CEP83: variants seen among roughly 807,000 people sequenced by gnomAD.
CEP83 encodes the protein centrosomal protein of 83 kDa.
In CEP83, 70 loss-of-function variants were observed where a neutral mutation model predicts 101.9. The ratio of observed to expected loss-of-function variants is 0.69; its 90% CI spans 0.57 to 0.84. The LOEUF is 0.84. Among genes scored for constraint, CEP83 ranks in the 40% least tolerant of loss-of-function variants. The pLI is 0.00. For missense variants in CEP83, 715 were observed against 787.2 expected (o/e 0.91, Z 1.10); for synonymous variants, 264 against 267.9 (o/e 0.99, Z 0.14).
At chr12:94,388,897 T>C (rs1593624041) in intron 6 of CEP83, among the ~76,000 whole-genome samples, 1 of 151,934 alleles carries the variant, frequency 6.6e-6, no homozygotes, top group African/African-American at 2.4e-5. Flanking sequence ...GAGTCTGAGG[T>C]AGGTAGATCA....
intron 2 of CEP83, among the ~76,000 whole-genome samples, chr12:94,430,055 G>A (rs1377805154): frequency 6.6e-6 from 1 of 151,924 alleles, no homozygotes; most frequent in Admixed American, 6.6e-5. Context: ...CGCACCACTG[G>A]GGAGTCTAAA....
chr12:94,356,340 A>G (rs1166509224), intron 11 of CEP83, among the ~76,000 whole-genome samples: 2 of 152,226 alleles, frequency 1.3e-5, no homozygotes, highest in Non-Finnish European at 2.9e-5. Flanking sequence ...TTTATTTGCC[A>G]GCTAAAGCTA....
At chr12:94,379,562 T>G (rs531445830) in intron 6 of CEP83, among the ~76,000 whole-genome samples, 1 of 152,284 alleles carries the variant, frequency 6.6e-6, no homozygotes, top group African/African-American at 2.4e-5. Context: ...ATTAAAGTCC[T>G]AATTGTAATG....
At chr12:94,271,532 A>T in the CEP83 span, among the ~76,000 whole-genome samples, 2 of 152,212 alleles carry the variant, frequency 1.3e-5, no homozygotes, top group African/African-American at 4.8e-5. Context: ...TGTGCAGAAG[A>T]GGTGGGGTTT....
chr12:94,455,073 C>T (rs566234154), intron 1 of CEP83, among the ~76,000 whole-genome samples: 15 of 152,254 alleles, frequency 9.9e-5, no homozygotes, highest in Middle Eastern at 6.8e-3. Flanking sequence ...CACGAGGGTC[C>T]GCAGCTTCAT....
At chr12:94,298,330 T>TAAAC in the CEP83 span, among the ~76,000 whole-genome samples, 1 of 152,248 alleles carries the variant, frequency 6.6e-6, no homozygotes, top group African/African-American at 2.4e-5. Flanking sequence ...CTGGTTTATG[T>TAAAC]AAACAGCCCT....
chr12:94,294,432 T>C, the CEP83 span: 2 of 757,160 alleles, frequency 2.6e-6, no homozygotes, highest in Non-Finnish European at 4.6e-6. Context: ...CTGGGTGAAG[T>C]TGAGAAATCC....
intron 1 of CEP83, among the ~76,000 whole-genome samples, chr12:94,452,852 T>A (rs982048231): frequency 6.6e-6 from 1 of 152,138 alleles, no homozygotes; most frequent in Admixed American, 6.5e-5. Flanking sequence ...AATCCATACA[T>A]TAAGGACCAA....
At chr12:94,273,194 C>A in the CEP83 span, among the ~76,000 whole-genome samples, 1 of 152,210 alleles carries the variant, frequency 6.6e-6, no homozygotes, top group Non-Finnish European at 1.5e-5. Flanking sequence ...AATGCTGGTC[C>A]TTATTATTAC....
intron 1 of CEP83, among the ~76,000 whole-genome samples, chr12:94,458,714 G>C (rs906089175): frequency 1.3e-5 from 2 of 152,118 alleles, no homozygotes; most frequent in Non-Finnish European, 2.9e-5. Context: ...CTCCAGCCTG[G>C]GCGACAGAGT....
intron 11 of CEP83, among the ~76,000 whole-genome samples, chr12:94,356,126 A>G (rs1224371100): frequency 6.6e-6 from 1 of 152,144 alleles, no homozygotes; most frequent in Non-Finnish European, 1.5e-5. Flanking sequence ...CGCCAGAGCG[A>G]CGGCTGGGAA....
chr12:94,352,607 G>A lies in CEP83; in HGVS notation c.1343+15187C>T, dbSNP rs539018629. On this transcript the variant is annotated intron_variant, in intron 11 of 16. Coordinates refer to ENST00000397809, the MANE Select transcript of CEP83 (RefSeq NM_016122.3). ...CAGATAGAAAATTCAACGAAATCAG[G>A]AAAAAATGATATGAATGAGAAATCT... is the stretch of plus-strand genomic sequence containing the variant. Among the ~76,000 whole-genome samples, 13 of 151,926 alleles carry A rather than the reference G, an allele frequency of 8.6e-5. 1 individual carries two copies. The South Asian group carries it at 2.7e-3, about 32-fold the overall frequency.
chr12:94,268,195 C>T, the CEP83 span, among the ~76,000 whole-genome samples: 1 of 152,192 alleles, frequency 6.6e-6, no homozygotes, highest in Non-Finnish European at 1.5e-5. Flanking sequence ...GCTTTCACAC[C>T]TCTCAGATGA....
At chr12:94,401,892 A>T (rs571529218) in intron 5 of CEP83, among the ~76,000 whole-genome samples, 2 of 152,320 alleles carry the variant, frequency 1.3e-5, no homozygotes, top group Admixed American at 1.3e-4. Context: ...AGATCATATT[A>T]TCAAGCCAGT....
the CEP83 span, among the ~76,000 whole-genome samples, chr12:94,270,126 C>T: frequency 6.6e-6 from 1 of 152,186 alleles, no homozygotes; most frequent in Non-Finnish European, 1.5e-5. Context: ...AATTTTATCA[C>T]AAGTCATGGC....
chr12:94,452,861 A>G (rs2138604754), intron 1 of CEP83, among the ~76,000 whole-genome samples: 1 of 152,332 alleles, frequency 6.6e-6, no homozygotes, highest in African/African-American at 2.4e-5. Flanking sequence ...ATTAAGGACC[A>G]AAAAATTAAG....
intron 5 of CEP83, among the ~76,000 whole-genome samples, chr12:94,401,556 A>G (rs1333874254): frequency 6.6e-6 from 1 of 152,184 alleles, no homozygotes; most frequent in East Asian, 1.9e-4. Context: ...ACTCTATGAA[A>G]GCTGCTGGCA....
At chr12:94,341,639 C>T (rs1015578120) in intron 11 of CEP83, among the ~76,000 whole-genome samples, 8 of 151,338 alleles carry the variant, frequency 5.3e-5, no homozygotes, top group Non-Finnish European at 1.0e-4. Context: ...AAGTTGAGGT[C>T]ATTTACACAT....
chr12:94,299,518 C>T, the CEP83 span, among the ~76,000 whole-genome samples: 4 of 152,144 alleles, frequency 2.6e-5, no homozygotes, highest in African/African-American at 9.7e-5. Flanking sequence ...CCAGGCCTAT[C>T]CCAATTCTCT....
Sources: allele counts gnomAD v4.1 joint callset (sites outside exome capture counted in the v4.1 genomes callset), GRCh38; gene constraint gnomAD v4.1.1; transcripts MANE v1.5; gene names NCBI Gene and HGNC (gene_info 2026-07-23, HGNC 2026-07-21).